Variants in PPP4R2 observed in about 807,000 individuals in gnomAD.
PPP4R2 encodes protein phosphatase 4 regulatory subunit 2, also known as serine/threonine-protein phosphatase 4 regulatory subunit 2.
A neutral mutation model predicts 47.2 loss-of-function variants in PPP4R2; 13 were observed. That is an observed-to-expected ratio of 0.28 (90% CI 0.18 to 0.44). The LOEUF is 0.44. PPP4R2 is among the 20% of genes least tolerant of loss of function. The pLI is 1.00. For missense variants in PPP4R2, 421 were observed against 491.2 expected, an observed-to-expected ratio of 0.86 and a Z score of 1.35; for synonymous variants, 151 against 163.3, an observed-to-expected ratio of 0.92 and a Z score of 0.57.
At chr3:73,047,397 G>T (rs1428226610) in intron 3 of PPP4R2, 41 bp downstream of exon 3, 1 of 1,331,200 alleles carries the variant, frequency 7.5e-7, no homozygotes, top group South Asian at 1.4e-5. Flanking sequence ...ATTTTTAGCA[G>T]AAGATGAATA....
intron 2 of PPP4R2, among the ~76,000 whole-genome samples, chr3:73,008,699 T>C (rs972728902): frequency 2.0e-5 from 3 of 152,216 alleles, no homozygotes; most frequent in African/African-American, 7.2e-5. Flanking sequence ...TGTGAGGACT[T>C]GAATAATAAA....
At chr3:73,049,071 A>G (rs762625989) in intron 3 of PPP4R2, among the ~76,000 whole-genome samples, 7 of 152,234 alleles carry the variant, frequency 4.6e-5, no homozygotes, top group Non-Finnish European at 1.0e-4. Context: ...TTCCATATCA[A>G]TATTTTAAAA....
At chr3:73,013,883 C>T (rs967999782) in intron 2 of PPP4R2, among the ~76,000 whole-genome samples, 9 of 152,170 alleles carry the variant, frequency 5.9e-5, no homozygotes, top group African/African-American at 1.7e-4. Flanking sequence ...CCAGTTGATC[C>T]GCCTGCCTTG....
At chr3:73,050,239 A>C (rs976323327) in intron 3 of PPP4R2, among the ~76,000 whole-genome samples, 6 of 152,180 alleles carry the variant, frequency 3.9e-5, no homozygotes, top group African/African-American at 1.4e-4. Context: ...TGCTGGGATT[A>C]CAAGCTTGAG....
intron 3 of PPP4R2, among the ~76,000 whole-genome samples, chr3:73,055,728 C>A (rs2107327039): frequency 6.7e-6 from 1 of 149,700 alleles, no homozygotes; most frequent in East Asian, 2.0e-4. Context: ...GTGGCTCAAT[C>A]TCGACTCACT....
intron 2 of PPP4R2, among the ~76,000 whole-genome samples, chr3:73,019,500 A>G (rs967088233): frequency 5.9e-5 from 9 of 152,036 alleles, no homozygotes; most frequent in African/African-American, 1.9e-4. Flanking sequence ...CAGCCTCCCT[A>G]GTAGCTGGGA....
rs148387026 is a variant in PPP4R2 at position 73,031,654 on chromosome 3, G to A, written c.117-15532G>A. On this transcript the variant is annotated intron_variant, in intron 2 of 8. Coordinates refer to ENST00000356692, the MANE Select transcript of PPP4R2 (RefSeq NM_174907.4). ...GGAGACTTTATCCTCTCTGATGAAA[G>A]AGGATATTTAAAGTGCCTTTAGAAG... 5.1e-3 allele frequency among the ~76,000 whole-genome samples: 783 copies of A among 152,328 alleles called. 7 individuals are homozygous for A. The highest frequency in any genetic ancestry group is 0.018 in the African/African-American group (754 of 41,570).
chr3:73,054,266 A>G (rs1702682622), intron 3 of PPP4R2, among the ~76,000 whole-genome samples: 1 of 152,158 alleles, frequency 6.6e-6, no homozygotes, highest in South Asian at 2.1e-4. Flanking sequence ...ATGTAAGTAA[A>G]CTAGTGTCTG....
At chr3:73,035,356 C>T (rs1410332938) in intron 2 of PPP4R2, among the ~76,000 whole-genome samples, 4 of 151,940 alleles carry the variant, frequency 2.6e-5, no homozygotes, top group African/African-American at 9.7e-5. Flanking sequence ...GGTGAGATTG[C>T]ATCACTGCAC....
rs781266369 is a variant in PPP4R2 at position 73,065,113 on chromosome 3, TGAAGAAGAG to T, written c.903_911del (p.Glu301_Glu303del). The T allele has an allele frequency of 1.9e-6, 3 of 1,610,456 alleles. No homozygotes were observed. The East Asian group carries it at 6.9e-5, about 37-fold the overall frequency. On this transcript the variant is annotated inframe_deletion, in exon 8 of 9. Transcript: ENST00000356692. The stretch of plus-strand genomic sequence containing the variant: ...CCCGGCAGCACTGTACAGAAGAGGA[TGAAGAAGAG>T]GATGAAGAGGAAGAAGAAGGTATTT...
At chr3:73,042,079 T>C (rs569284992) in intron 2 of PPP4R2, among the ~76,000 whole-genome samples, 1 of 152,292 alleles carries the variant, frequency 6.6e-6, no homozygotes, top group South Asian at 2.1e-4. Context: ...GGTGATTAAT[T>C]TCAGTACATT....
chr3:73,037,711 C>A (rs954369462), intron 2 of PPP4R2, among the ~76,000 whole-genome samples: 1 of 152,160 alleles, frequency 6.6e-6, no homozygotes, highest in Admixed American at 6.5e-5. Context: ...TTTCCAATTC[C>A]TTTTTCTGTA....
At chr3:73,051,919 C>T (rs1045004191) in intron 3 of PPP4R2, among the ~76,000 whole-genome samples, 2 of 152,194 alleles carry the variant, frequency 1.3e-5, no homozygotes, top group African/African-American at 4.8e-5. Context: ...ACCACTGCGC[C>T]CGGCCAAAGT....
At chr3:73,037,652 T>G (rs1702291757) in intron 2 of PPP4R2, among the ~76,000 whole-genome samples, 1 of 152,238 alleles carries the variant, frequency 6.6e-6, no homozygotes, top group Non-Finnish European at 1.5e-5. Context: ...GAAACTCATT[T>G]ATTGTTTATA....
intron 3 of PPP4R2, among the ~76,000 whole-genome samples, chr3:73,048,374 C>G (rs1198191718): frequency 6.6e-6 from 1 of 152,138 alleles, no homozygotes; most frequent in Non-Finnish European, 1.5e-5. Flanking sequence ...CTCAGCCCCC[C>G]GGGTAGCTAG....
intron 3 of PPP4R2, among the ~76,000 whole-genome samples, chr3:73,054,704 C>CT (rs1702693326): frequency 6.6e-6 from 1 of 151,962 alleles, no homozygotes; most frequent in Admixed American, 6.6e-5. Context: ...ATTCCTTTGT[C>CT]TTTTTCATGT....
At chr3:73,023,431 C>G (rs1365266550) in intron 2 of PPP4R2, among the ~76,000 whole-genome samples, 1 of 152,136 alleles carries the variant, frequency 6.6e-6, no homozygotes, top group African/African-American at 2.4e-5. Context: ...GGTGATCCAC[C>G]CGCCTTGGCC....
At chr3:73,042,361 C>CTTTTTTT (rs10709279) in intron 2 of PPP4R2, among the ~76,000 whole-genome samples, 3 of 75,906 alleles carry the variant, frequency 4.0e-5, no homozygotes, top group African/African-American at 9.5e-5. Context: ...AATATAATTT[C>CTTTTTTT]TTTTTTTTTT....
At chr3:73,002,642 T>C (rs1470739366) in intron 2 of PPP4R2, among the ~76,000 whole-genome samples, 3 of 84,032 alleles carry the variant, frequency 3.6e-5, no homozygotes, top group South Asian at 6.5e-4. Context: ...TTCTTTTTTT[T>C]TTTTTTTTTT....
Sources: allele counts gnomAD v4.1 joint callset (sites outside exome capture counted in the v4.1 genomes callset), GRCh38; gene constraint gnomAD v4.1.1; transcripts MANE v1.5; gene names NCBI Gene and HGNC (gene_info 2026-07-23, HGNC 2026-07-21).